CHRM2: variants seen among roughly 807,000 people sequenced by gnomAD.
CHRM2 encodes muscarinic acetylcholine receptor M2.
In CHRM2, 8 loss-of-function variants were observed where a neutral mutation model predicts 25.0. That is an observed-to-expected ratio of 0.32 (90% CI 0.19 to 0.58). The LOEUF is 0.58. Among genes scored for constraint, CHRM2 ranks in the 20% least tolerant of loss-of-function variants. CHRM2 has a pLI of 0.88. For synonymous variants in CHRM2, 202 were observed against 205.7 expected, an observed-to-expected ratio of 0.98 and a Z score of 0.15; for missense variants, 440 against 567.1, an observed-to-expected ratio of 0.78 and a Z score of 2.28.
chr7:136,955,919 TATA>T lies in CHRM2; in HGVS notation c.-124-36265_-124-36263del, dbSNP rs544062819. ...TCATTAACTACTTGTTGTCTGCACA[TATA>T]ATGAGGGTTTTTTGTTTATTTTTAA... On this transcript the variant is annotated intron_variant, in intron 2 of 3. Transcript: ENST00000680005. Among the ~76,000 whole-genome samples the T allele has an allele frequency of 1.1e-3, 165 of 152,318 alleles. 2 individuals carry two copies. The highest frequency in any genetic ancestry group is 3.9e-3 in the African/African-American group (163 of 41,580).
At chr7:136,949,664 C>T (rs1054711287) in intron 2 of CHRM2, among the ~76,000 whole-genome samples, 5 of 151,780 alleles carry the variant, frequency 3.3e-5, no homozygotes, top group Non-Finnish European at 7.4e-5. Flanking sequence ...GGTATACTTG[C>T]TCTATATGAG....
At chr7:136,903,960 T>C (rs989291434) in intron 2 of CHRM2, among the ~76,000 whole-genome samples, 5 of 151,948 alleles carry the variant, frequency 3.3e-5, no homozygotes, top group Admixed American at 2.6e-4. Flanking sequence ...TGTTATTTGT[T>C]TTCCTGATAC....
At chr7:136,914,901 T>C (rs1378886698) in intron 2 of CHRM2, among the ~76,000 whole-genome samples, 1 of 151,952 alleles carries the variant, frequency 6.6e-6, no homozygotes, top group African/African-American at 2.4e-5. Context: ...ATACTTTTAG[T>C]TTCATAAGAA....
chr7:136,912,422 C>CT (rs1247252749), intron 2 of CHRM2, among the ~76,000 whole-genome samples: 1 of 151,882 alleles, frequency 6.6e-6, no homozygotes, highest in Non-Finnish European at 1.5e-5. Flanking sequence ...AAAAATATTT[C>CT]TTTGAGAGAG....
chr7:136,891,765 T>C (rs1053054292), intron 2 of CHRM2, among the ~76,000 whole-genome samples: 1 of 152,176 alleles, frequency 6.6e-6, no homozygotes, highest in Non-Finnish European at 1.5e-5. Flanking sequence ...TTTTTCCTTT[T>C]ATATTAGCAT....
chr7:136,900,708 CT>C (rs201170550), intron 2 of CHRM2, among the ~76,000 whole-genome samples: 2 of 151,822 alleles, frequency 1.3e-5, no homozygotes, highest in Non-Finnish European at 2.9e-5. Flanking sequence ...GCTAAACAAT[CT>C]TTTTTTTAAA....
At chr7:136,986,565 G>A (rs1457166026) in intron 2 of CHRM2, among the ~76,000 whole-genome samples, 2 of 152,100 alleles carry the variant, frequency 1.3e-5, no homozygotes, top group African/African-American at 2.4e-5. Flanking sequence ...CACATGTTGG[G>A]TTCATCAATT....
chr7:136,991,750 T>C (rs1471592032), intron 2 of CHRM2, among the ~76,000 whole-genome samples: 2 of 152,162 alleles, frequency 1.3e-5, no homozygotes, highest in Non-Finnish European at 2.9e-5. Context: ...TAAAATTATA[T>C]GCATAATCAA....
intron 2 of CHRM2, among the ~76,000 whole-genome samples, chr7:136,933,109 T>C (rs758394993): frequency 4.7e-4 from 71 of 152,146 alleles, no homozygotes; most frequent in African/African-American, 1.6e-3. Flanking sequence ...GTTAAAAACA[T>C]TTTTTACTTC....
intron 2 of CHRM2, among the ~76,000 whole-genome samples, chr7:136,950,213 T>C (rs1800323956): frequency 6.6e-6 from 1 of 152,224 alleles, no homozygotes; most frequent in African/African-American, 2.4e-5. Context: ...GTTCTTTTTA[T>C]TAAGATCATC....
chr7:136,874,683 G>A (rs1795979388), intron 2 of CHRM2, among the ~76,000 whole-genome samples: 1 of 151,466 alleles, frequency 6.6e-6, no homozygotes, highest in South Asian at 2.1e-4. Context: ...CCGTTTTAAA[G>A]CTTAGGGAGA....
intron 2 of CHRM2, among the ~76,000 whole-genome samples, chr7:136,882,086 T>C (rs949549801): frequency 1.3e-5 from 2 of 152,056 alleles, no homozygotes; most frequent in African/African-American, 4.8e-5. Context: ...TATTTAGTAC[T>C]CCTCTGAGGT....
intron 2 of CHRM2, among the ~76,000 whole-genome samples, chr7:136,981,510 CTT>C (rs1563105459): frequency 6.6e-6 from 1 of 152,112 alleles, no homozygotes; most frequent in Non-Finnish European, 1.5e-5. Flanking sequence ...TTTGCTTGCT[CTT>C]GTTTCTCTAC....
At chr7:136,902,208 TATCTATCC>T (rs1271403271) in intron 2 of CHRM2, 21 of 138,776 alleles carry the variant, frequency 1.5e-4, no homozygotes, top group African/African-American at 5.0e-4. Context: ...TCTATCGATC[TATCTATCC>T]ATCCATCCAT....
At chr7:136,949,639 C>G (rs1800279438) in intron 2 of CHRM2, among the ~76,000 whole-genome samples, 1 of 151,794 alleles carries the variant, frequency 6.6e-6, no homozygotes, top group African/African-American at 2.4e-5. Context: ...AAAAGAATTC[C>G]CATCTGGCTC....
chr7:136,953,802 C>T (rs1800557773), intron 2 of CHRM2, among the ~76,000 whole-genome samples: 1 of 152,056 alleles, frequency 6.6e-6, no homozygotes, highest in African/African-American at 2.4e-5. Context: ...ATCAGAAAGG[C>T]AGTATCTGTT....
At chr7:136,888,300 T>C (rs905039487) in intron 2 of CHRM2, among the ~76,000 whole-genome samples, 3 of 152,306 alleles carry the variant, frequency 2.0e-5, no homozygotes, top group Non-Finnish European at 4.4e-5. Context: ...CCCTGTGATG[T>C]CTGCTAAACG....
At chr7:136,944,506 T>C (rs1453839353) in intron 2 of CHRM2, among the ~76,000 whole-genome samples, 1 of 152,104 alleles carries the variant, frequency 6.6e-6, no homozygotes, top group Non-Finnish European at 1.5e-5. Flanking sequence ...TACATATATG[T>C]GTACATATAT....
intron 2 of CHRM2, among the ~76,000 whole-genome samples, chr7:136,954,151 T>A (rs552897022): frequency 1.3e-5 from 2 of 152,318 alleles, no homozygotes; most frequent in South Asian, 2.1e-4. Flanking sequence ...TCCAAGGCCA[T>A]CTAGATTCTT....
Sources: gnomAD v4.1 joint callset for allele counts (sites outside exome capture counted in the v4.1 genomes callset) on GRCh38, gnomAD v4.1.1 for gene constraint, MANE v1.5 for transcripts, NCBI Gene and HGNC (gene_info 2026-07-23, HGNC 2026-07-21) for gene names.